The following MAOA variants were observed in gnomAD, a reference collection of about 807,000 sequenced individuals.
The protein encoded by MAOA is amine oxidase [flavin-containing] A.
In MAOA, 6 loss-of-function variants were observed where a neutral mutation model predicts 42.0. That is an observed-to-expected ratio of 0.14 (90% CI 0.08 to 0.28). The LOEUF is 0.28. MAOA is among the 10% of genes least tolerant of loss of function. The pLI is 1.00. For synonymous variants in MAOA, 140 were observed against 154.0 expected, an observed-to-expected ratio of 0.91 and a Z score of 0.67; for missense variants, 262 against 422.3, an observed-to-expected ratio of 0.62 and a Z score of 3.33.
At chrX:43,662,747 A>C (rs150989490) in intron 1 of MAOA, among the ~76,000 whole-genome samples, 1,143 of 111,035 alleles carry the variant, frequency 0.01, 18 homozygotes, top group African/African-American at 0.035. Context: ...AAGTGTAGAC[A>C]CCCGATAAAT....
chrX:43,719,130 T>G (rs1340595145), intron 5 of MAOA, among the ~76,000 whole-genome samples: 1 of 110,099 alleles, frequency 9.1e-6, no homozygotes, highest in Non-Finnish European at 1.9e-5. Context: ...GGTGGAAGTG[T>G]TGGGGGAGGT....
intron 1 of MAOA, among the ~76,000 whole-genome samples, chrX:43,659,779 T>C (rs972283014): frequency 2.1e-4 from 23 of 111,508 alleles, no homozygotes; most frequent in African/African-American, 7.2e-4. Flanking sequence ...AGCACCACCA[T>C]CCCTTCTATA....
At chrX:43,706,107 C>T (rs2033657343) in intron 3 of MAOA, among the ~76,000 whole-genome samples, 1 of 112,083 alleles carries the variant, frequency 8.9e-6, no homozygotes, top group Admixed American at 9.5e-5. Flanking sequence ...TAATTAAGGG[C>T]TTCTTCTCAG....
intron 3 of MAOA, among the ~76,000 whole-genome samples, chrX:43,699,444 T>G (rs753139747): frequency 1.9e-5 from 2 of 107,713 alleles, no homozygotes; most frequent in African/African-American, 6.8e-5. Context: ...CAGCCAGAAA[T>G]GGAGCAAGGC....
In MAOA at chrX:43,746,395, G is replaced by C. The variant is rs2033998975; in HGVS notation, c.*1882G>C. 1 of 111,801 alleles carries C rather than the reference G, an allele frequency of 8.9e-6. No homozygotes were observed. The highest frequency in any genetic ancestry group is 2.8e-4 in the East Asian group (1 of 3,567). 9.2% of individuals were successfully genotyped at this position (111,801 alleles called of 1,213,427 possible). Reference sequence around the variant, plus strand: ...TGCCTAGACACGAAATTGGAGCTGAGGACTCTCACGATATGCAAGTTCATC... The same window carrying C: ...TGCCTAGACACGAAATTGGAGCTGACGACTCTCACGATATGCAAGTTCATC... On this transcript the variant is annotated 3_prime_UTR_variant, in exon 15 of 15. Transcript: ENST00000338702.
At chrX:43,738,882 G>T (rs951485881) in intron 10 of MAOA, among the ~76,000 whole-genome samples, 2 of 111,662 alleles carry the variant, frequency 1.8e-5, no homozygotes, top group African/African-American at 6.5e-5. Context: ...AATCATTGCC[G>T]ATACTTTCAT....
chrX:43,670,812 G>A (rs1002168158), intron 1 of MAOA, among the ~76,000 whole-genome samples: 1 of 109,414 alleles, frequency 9.1e-6, no homozygotes, highest in African/African-American at 3.4e-5. Context: ...TGGTGTATAT[G>A]TGCCACATTT....
intron 3 of MAOA, among the ~76,000 whole-genome samples, chrX:43,711,060 C>T (rs1468172776): frequency 9.0e-6 from 1 of 111,658 alleles, no homozygotes; most frequent in Non-Finnish European, 1.9e-5. Flanking sequence ...GTGACCCACT[C>T]CATGGTCAGA....
intron 3 of MAOA, among the ~76,000 whole-genome samples, chrX:43,694,877 T>G (rs1158376418): frequency 8.9e-6 from 1 of 112,214 alleles, no homozygotes; most frequent in Non-Finnish European, 1.9e-5. Context: ...TCTTGGAATC[T>G]GTGCAGATTC....
intron 12 of MAOA, among the ~76,000 whole-genome samples, chrX:43,742,896 T>C (rs2033970154): frequency 1.5e-5 from 1 of 65,268 alleles, no homozygotes; most frequent in Admixed American, 1.7e-4. Flanking sequence ...CAGGAGTTTT[T>C]AGTCTGTTTT....
chrX:43,743,707 C>T, intron 12 of MAOA, 87 bp from the exon 13 acceptor site: 1 of 1,038,966 alleles, frequency 9.6e-7, no homozygotes, highest in Non-Finnish European at 1.3e-6. Flanking sequence ...TCTGTGCCTT[C>T]TGCAGACTAA....
intron 9 of MAOA, among the ~76,000 whole-genome samples, chrX:43,735,676 G>A (rs1014788585): frequency 3.5e-5 from 4 of 112,699 alleles, no homozygotes; most frequent in African/African-American, 9.7e-5. Flanking sequence ...GCCCTTCAGA[G>A]TTGTCTTCAA....
chrX:43,710,980 G>A (rs988733475), intron 3 of MAOA, among the ~76,000 whole-genome samples: 2 of 111,656 alleles, frequency 1.8e-5, no homozygotes, highest in African/African-American at 6.5e-5. Context: ...AGTCTTTGTA[G>A]CAGGAAGCAT....
At chrX:43,728,380 A>G (rs927604308) in intron 6 of MAOA, 66 bp downstream of exon 6, 2 of 1,087,684 alleles carry the variant, frequency 1.8e-6, no homozygotes, top group African/African-American at 3.6e-5. Flanking sequence ...CTCCCAGGGC[A>G]GTGTCTTTAA....
intron 3 of MAOA, among the ~76,000 whole-genome samples, chrX:43,703,527 G>A (rs1371741928): frequency 2.7e-5 from 3 of 112,102 alleles, no homozygotes; most frequent in Non-Finnish European, 5.6e-5. Context: ...GTAACATTTG[G>A]AAAATAAACA....
rs2033997844 is a variant in MAOA, at chrX:43,746,250, T to C, written c.*1737T>C. On this transcript the variant is annotated 3_prime_UTR_variant, in exon 15 of 15. Transcript: ENST00000338702. Reference sequence around the variant, plus strand: ...TTGCTAACATATTTAAAGTCTTGAATGTTGAAGAACTCATGTGATTTACCC... The same window carrying C: ...TTGCTAACATATTTAAAGTCTTGAACGTTGAAGAACTCATGTGATTTACCC... The C allele has an allele frequency of 8.9e-6, 1 of 112,486 alleles. No individual in the cohort carries two copies. The highest frequency in any genetic ancestry group is 1.9e-5 in the Non-Finnish European group (1 of 53,359). The allele number at this position is 112,486 out of a possible 1,213,427, so 9.3% of individuals were successfully genotyped here.
At chrX:43,713,359 G>A (rs1275300684) in intron 5 of MAOA, among the ~76,000 whole-genome samples, 2 of 111,343 alleles carry the variant, frequency 1.8e-5, no homozygotes, top group Non-Finnish European at 3.8e-5. Flanking sequence ...AGAGCATCAC[G>A]ATAGATAACT....
chrX:43,716,301 T>G (rs2033743662), intron 5 of MAOA, among the ~76,000 whole-genome samples: 1 of 103,875 alleles, frequency 9.6e-6, no homozygotes, highest in African/African-American at 3.6e-5. Flanking sequence ...GGGCAGGGGG[T>G]AGATATAAAG....
chrX:43,740,166 T>A (rs1463394288), intron 10 of MAOA, among the ~76,000 whole-genome samples: 2 of 112,280 alleles, frequency 1.8e-5, no homozygotes, highest in Non-Finnish European at 3.8e-5. Flanking sequence ...TGACTGTAGA[T>A]ACTTTCTGTA....
Sources: allele counts gnomAD v4.1 joint callset (sites outside exome capture counted in the v4.1 genomes callset), GRCh38; gene constraint gnomAD v4.1.1; transcripts MANE v1.5; gene names NCBI Gene and HGNC (gene_info 2026-07-23, HGNC 2026-07-21).